Variants in PHYKPL observed in about 807,000 individuals in gnomAD.
The protein encoded by PHYKPL is 5-phosphohydroxy-L-lysine phospho-lyase.
A neutral mutation model predicts 51.3 loss-of-function variants in PHYKPL; 42 were observed. The observed-to-expected ratio is 0.82, with a 90% CI of 0.64 to 1.06. The LOEUF (loss-of-function observed/expected upper bound fraction) is 1.06. Ranked by LOEUF, PHYKPL falls within the 50% of genes least tolerant of loss-of-function variation. PHYKPL has a pLI of 0.00. For missense variants in PHYKPL, 655 were observed against 586.6 expected (o/e 1.12, Z -1.20); for synonymous variants, 264 against 236.0 (o/e 1.12, Z -1.09).
intron 6 of PHYKPL, 99 bp downstream of exon 6, chr5:178,224,349 T>C: frequency 7.8e-7 from 1 of 1,277,034 alleles, no homozygotes; most frequent in Non-Finnish European, 1.1e-6. Context: ...AGGGCCTCGT[T>C]TGGTTTTCTC....
intron 1 of PHYKPL, chr5:178,231,912 C>A: frequency 7.8e-7 from 1 of 1,290,160 alleles, no homozygotes; most frequent in Non-Finnish European, 1.0e-6. Flanking sequence ...GCCTGGCTCT[C>A]AGCCCTAAAC....
intron 3 of PHYKPL, among the ~76,000 whole-genome samples, chr5:178,227,064 A>AC (rs1291260124): frequency 4.0e-5 from 6 of 151,174 alleles, no homozygotes; most frequent in Non-Finnish European, 8.8e-5. Flanking sequence ...GCTGAGCTGC[A>AC]CCCCCCCACC....
Position 178,214,888 on chromosome 5 carries a change from G to A in PHYKPL, c.1083-3C>T. Reference sequence around the variant, plus strand: ...CACCAATGAAGAGCCCAACACCCCTGCAAGGGAAGGTGACGACATCTCAGG... The same window carrying A: ...CACCAATGAAGAGCCCAACACCCCTACAAGGGAAGGTGACGACATCTCAGG... On this transcript the variant is annotated splice_region_variant and splice_polypyrimidine_tract_variant and intron_variant, in intron 9 of 12. Coordinates refer to ENST00000308158, the MANE Select transcript of PHYKPL (RefSeq NM_153373.4). The A allele has an allele frequency of 6.2e-7, 1 of 1,613,156 alleles. No homozygotes were observed. The highest frequency in any genetic ancestry group is 1.9e-4 in the Middle Eastern group (1 of 5,404).
In PHYKPL at chr5:178,224,682, T is replaced by A. The variant is rs778310121; in HGVS notation, c.461A>T (p.Lys154Met). 6.2e-7 allele frequency: 1 copy of A among 1,614,204 alleles called. No homozygotes were observed. Among genetic ancestry groups the A allele is most frequent in the Admixed American group, 1.7e-5 (1 of 60,028 alleles). The change falls in exon 5 of 13, where the codon AAG (lysine) becomes ATG (methionine). Residue 154 changes from lysine (K) to methionine (M), a missense_variant. Physicochemically the swap from Lys to Met is moderately conservative, Grantham distance 95. Coordinates refer to ENST00000308158, the MANE Select transcript of PHYKPL (RefSeq NM_153373.4). ...LSSLIDISPYKFRNLDGQKEW... is the reference protein window; with the variant it reads ...LSSLIDISPYMFRNLDGQKEW... ...CTTCTGGCCATCCAGGTTGCGGAACTTGTAGGGACTGATGTCAATCAGGGA... is the reference window on the plus strand; with the variant it reads ...CTTCTGGCCATCCAGGTTGCGGAACATGTAGGGACTGATGTCAATCAGGGA...
intron 10 of PHYKPL, among the ~76,000 whole-genome samples, chr5:178,213,844 T>G (rs923545073): frequency 6.6e-6 from 1 of 152,254 alleles, no homozygotes; most frequent in Non-Finnish European, 1.5e-5. Flanking sequence ...ACTTTGGAGT[T>G]AGACGGCCCT....
chr5:178,223,570 G>C, intron 6 of PHYKPL: 1 of 438,798 alleles, frequency 2.3e-6, no homozygotes, highest in Admixed American at 2.4e-5. Context: ...CCCCACACCT[G>C]TTGCAATCAG....
intron 3 of PHYKPL, among the ~76,000 whole-genome samples, chr5:178,226,956 C>T (rs143894237): frequency 1.5e-3 from 217 of 147,340 alleles, no homozygotes; most frequent in African/African-American, 5.5e-3. Context: ...TACACACACA[C>T]ACACGCCACC....
At chr5:178,229,295 A>T (rs1489218192) in intron 3 of PHYKPL, among the ~76,000 whole-genome samples, 4 of 151,958 alleles carry the variant, frequency 2.6e-5, no homozygotes, top group Non-Finnish European at 5.9e-5. Context: ...TTTAGTAGAG[A>T]CGGGGTTTCG....
intron 1 of PHYKPL, 85 bp downstream of exon 1, chr5:178,232,407 G>A (rs1413196416): frequency 2.3e-5 from 31 of 1,344,634 alleles, no homozygotes; most frequent in African/African-American, 3.1e-5. Flanking sequence ...AGGCGCGTGC[G>A]TAGTGCGTGC....
At chr5:178,215,461 C>T (rs1201002492) in intron 8 of PHYKPL, 31 bp from the exon 9 acceptor site, 1 of 1,587,906 alleles carries the variant, frequency 6.3e-7, no homozygotes, top group South Asian at 1.1e-5. Context: ...ATGTCAGATG[C>T]CCTGGCAGAG....
chr5:178,215,324 T>A lies in PHYKPL; in HGVS notation c.1034A>T (p.Gln345Leu). 6.2e-7 allele frequency: 1 copy of A among 1,614,054 alleles called. No individual in the cohort carries two copies. Among genetic ancestry groups the A allele is most frequent in the Non-Finnish European group, 8.5e-7 (1 of 1,179,986 alleles). The change falls in exon 9 of 13, where the codon CAG (glutamine) becomes CTG (leucine). Residue 345 changes from glutamine (Q) to leucine (L), a missense_variant. By Grantham distance (113) the Gln-to-Leu change is moderately radical. Coordinates refer to ENST00000308158, the MANE Select transcript of PHYKPL (RefSeq NM_153373.4). ...TTTGATTTTTTGCTGCCCGAGGAGCTGCATCAGGAAGCTGCCTACACTGGT... is the reference window on the plus strand; with the variant it reads ...TTTGATTTTTTGCTGCCCGAGGAGCAGCATCAGGAAGCTGCCTACACTGGT... ...HATSVGSFLM[Q>L]LLGQQKIKHP...
intron 3 of PHYKPL, chr5:178,228,384 T>A (rs747664271): frequency 1.6e-6 from 1 of 618,534 alleles, no homozygotes; most frequent in Admixed American, 2.7e-5. Flanking sequence ...TGGGACAGAG[T>A]AAGACAATGC....
intron 12 of PHYKPL, chr5:178,209,422 C>T: frequency 1.2e-6 from 2 of 1,614,134 alleles, no homozygotes; most frequent in Non-Finnish European, 8.5e-7. Context: ...GGAACCGAGG[C>T]AGCGGAGGTG....
chr5:178,219,317 T>C lies in PHYKPL; in HGVS notation c.927+3038A>G, dbSNP rs888726424. 3.3e-5 allele frequency among the ~76,000 whole-genome samples: 5 copies of C among 152,166 alleles called. No individual in the cohort carries two copies. The South Asian group carries it at 8.3e-4, about 25-fold the overall frequency. On this transcript the variant is annotated intron_variant, in intron 8 of 12. Transcript: ENST00000308158. ...AGACAAGGGATTAGCATAATAGATA[T>C]GTATGTGTTGGTATATACACACACA...
intron 2 of PHYKPL, 75 bp downstream of exon 2, chr5:178,231,330 C>G (rs374299992): frequency 1.2e-6 from 2 of 1,608,158 alleles, no homozygotes; most frequent in Non-Finnish European, 1.7e-6. Context: ...TCTCGGCAAT[C>G]TCAGGTCACC....
In PHYKPL at chr5:178,230,100, C is replaced by T. The variant is rs758175627; in HGVS notation, c.179-1G>A. On this transcript the variant is annotated splice_acceptor_variant, in intron 2 of 12. Coordinates refer to ENST00000308158, the MANE Select transcript of PHYKPL (RefSeq NM_153373.4). LOFTEE classifies it high-confidence loss of function. ...ACCACGAGAGGGTGGCAGTGCCCAA[C>T]TGGAAGAGGGCCGCCTCCGTCACAC... 4 of 1,613,648 alleles carry T rather than the reference C, an allele frequency of 2.5e-6. No individual in the cohort carries two copies. Among genetic ancestry groups the T allele is most frequent in the Non-Finnish European group, 3.4e-6 (4 of 1,179,950 alleles).
At chr5:178,229,373 G>T (rs1762930595) in intron 3 of PHYKPL, among the ~76,000 whole-genome samples, 1 of 152,202 alleles carries the variant, frequency 6.6e-6, no homozygotes, top group South Asian at 2.1e-4. Flanking sequence ...CTCCCGAAGT[G>T]CTGGGATTAC....
chr5:178,210,891 C>T (rs1581193794), intron 12 of PHYKPL: 1 of 515,306 alleles, frequency 1.9e-6, no homozygotes, highest in Non-Finnish European at 3.5e-6. Context: ...GGAGGCTCTG[C>T]TTCCTGCTGC....
chr5:178,231,884 AG>A lies in PHYKPL; in HGVS notation c.60-362del, dbSNP rs1477714369. 3.8e-6 allele frequency: 5 copies of A among 1,315,770 alleles called. No homozygotes were observed. In the African/African-American group the frequency reaches 6.0e-5, roughly 16 times the overall value. The allele number at this position is 1,315,770 out of a possible 1,614,324, so 81.5% of individuals were successfully genotyped here. ...CCGCGTGTCTTCGATGGGATGGGCC[AG>A]GGCACCAACATTAGGTGCCTGGCTC... On this transcript the variant is annotated intron_variant, in intron 1 of 12. Transcript: ENST00000308158.
Sources: gnomAD v4.1 joint callset for allele counts (sites outside exome capture counted in the v4.1 genomes callset) on GRCh38, gnomAD v4.1.1 for gene constraint, MANE v1.5 for transcripts, NCBI Gene and HGNC (gene_info 2026-07-23, HGNC 2026-07-21) for gene names.